The following KLC1 variants were observed in gnomAD, a reference collection of about 807,000 sequenced individuals.
The protein encoded by KLC1 is kinesin 2 60/70kDa.
Under a neutral mutation model 84.2 loss-of-function variants are expected in KLC1, and 30 were observed. That is an observed-to-expected ratio of 0.36 (90% CI 0.27 to 0.48). KLC1 has a LOEUF of 0.48. KLC1 is among the 20% of genes least tolerant of loss of function. The pLI is 0.99. For synonymous variants in KLC1, 289 were observed against 293.3 expected, an observed-to-expected ratio of 0.99 and a Z score of 0.15; for missense variants, 499 against 805.4, an observed-to-expected ratio of 0.62 and a Z score of 4.60.
At chr14:103,663,465 G>T (rs903611023) in intron 5 of KLC1, among the ~76,000 whole-genome samples, 3 of 152,114 alleles carry the variant, frequency 2.0e-5, no homozygotes, top group Non-Finnish European at 2.9e-5. Flanking sequence ...GTTTAGAATA[G>T]ACCACAGTGT....
chr14:103,679,286 CTG>C, intron 12 of KLC1, 96 bp from the exon 13 acceptor site: 1 of 1,244,662 alleles, frequency 8.0e-7, no homozygotes, highest in Non-Finnish European at 1.1e-6. Context: ...TGATTAAGAA[CTG>C]TTTTTTTTTT....
chr14:103,674,656 C>T (rs2080727977), intron 9 of KLC1, among the ~76,000 whole-genome samples: 1 of 152,110 alleles, frequency 6.6e-6, no homozygotes, highest in Admixed American at 6.6e-5. Flanking sequence ...CTCAGGTGAT[C>T]CTCCTGCCTA....
intron 11 of KLC1, among the ~76,000 whole-genome samples, chr14:103,675,962 G>A (rs1462278499): frequency 6.6e-6 from 1 of 152,164 alleles, no homozygotes; most frequent in Admixed American, 6.5e-5. Context: ...TGTTAGGTTG[G>A]TGCAAAGGTA....
intron 15 of KLC1, chr14:103,698,942 G>T: frequency 6.2e-7 from 1 of 1,600,754 alleles, no homozygotes. Context: ...CGCGGAGCCG[G>T]TCAGCCAGCA....
intron 14 of KLC1, 115 bp downstream of exon 14, chr14:103,687,326 C>G: frequency 1.8e-6 from 2 of 1,089,622 alleles, no homozygotes; most frequent in Non-Finnish European, 2.5e-6. Flanking sequence ...CAGTTGGTTC[C>G]CGTATTCTCA....
intron 9 of KLC1, among the ~76,000 whole-genome samples, chr14:103,673,715 C>A (rs1030007443): frequency 1.1e-4 from 16 of 152,038 alleles, no homozygotes; most frequent in African/African-American, 3.9e-4. Context: ...CGAGGTCAGG[C>A]GATCGAGACC....
rs545105720 is a variant in KLC1, at chr14:103,688,959, C to T, written c.1781+1748C>T. On this transcript the variant is annotated intron_variant, in intron 14 of 16. Transcript: ENST00000334553. ...TTATTTTAAAATGTTTACAGATTTC[C>T]AGAACCAAAATGATAGATTACTATC... Among the ~76,000 whole-genome samples, 44 of 152,248 alleles carry T rather than the reference C, an allele frequency of 2.9e-4. 1 individual carries two copies. The Middle Eastern group carries it at 0.014, about 47-fold the overall frequency.
chr14:103,661,048 C>G (rs1439590322), intron 3 of KLC1, among the ~76,000 whole-genome samples: 1 of 152,258 alleles, frequency 6.6e-6, no homozygotes, highest in East Asian at 1.9e-4. Flanking sequence ...CTTACGAGTG[C>G]CTGTTTCTTC....
At chr14:103,670,543 G>T (rs1243682442) in intron 7 of KLC1, among the ~76,000 whole-genome samples, 4 of 151,834 alleles carry the variant, frequency 2.6e-5, no homozygotes, top group African/African-American at 7.3e-5. Context: ...CACCATGTTG[G>T]CCAGGATGTT....
chr14:103,630,473 A>AG lies in KLC1; in HGVS notation c.-2+981dup. ...CAAAAAATTTGAGATATACTATTTC[A>AG]GGTGTTCTGTAAAAGGGCAGTTAGA... On this transcript the variant is annotated intron_variant, in intron 1 of 16. Coordinates refer to ENST00000334553, the MANE Select transcript of KLC1 (RefSeq NM_001394837.1). Among the ~76,000 whole-genome samples the AG allele has an allele frequency of 2.0e-5, 3 of 152,350 alleles. 1 individual carries two copies. The South Asian group carries it at 6.2e-4, about 32-fold the overall frequency.
Position 103,693,874 on chromosome 14 carries a change from G to T in KLC1, c.1848+1449G>T, listed in dbSNP as rs2082264479. The T allele has an allele frequency of 7.4e-7, 1 of 1,353,886 alleles. No individual in the cohort carries two copies. Among genetic ancestry groups the T allele is most frequent in the South Asian group, 1.8e-5 (1 of 55,200 alleles). The allele number at this position is 1,353,886 out of a possible 1,614,324, so 83.9% of individuals were successfully genotyped here. The stretch of plus-strand genomic sequence containing the variant: ...GCCAGGCTGGCTCAGGGAGGCCGAG[G>T]TGGCGCTGAGGTGGCTTCAGCACGC... On this transcript the variant is annotated intron_variant, in intron 15 of 16. Transcript: ENST00000334553. The surrounding 1 kb of genome is among the most constrained non-coding windows in gnomAD (Gnocchi z 5.1).
Position 103,701,270 on chromosome 14 carries a change from G to T in KLC1, c.*71G>T. 1 of 1,520,486 alleles carries T rather than the reference G, an allele frequency of 6.6e-7. No homozygotes were observed. The allele number at this position is 1,520,486 out of a possible 1,614,324, so 94.2% of individuals were successfully genotyped here. A position where few individuals can be genotyped will look rare whatever the true frequency, so the allele number is the denominator to read the frequency against. ...GCCCGGAGCTGGCCCGGGACAGCCAGGGCGGCAGGGAGGGCCCCTGGCCGG... is the reference window on the plus strand; with the variant it reads ...GCCCGGAGCTGGCCCGGGACAGCCATGGCGGCAGGGAGGGCCCCTGGCCGG... On this transcript the variant is annotated 3_prime_UTR_variant, in exon 17 of 17. Transcript: ENST00000334553.
chr14:103,692,416 TCGC>T lies in KLC1; in HGVS notation c.1840_1842del (p.Arg614del). ...ACGTGGGTGGCAAGGCTGCTGAAGA[TCGC>T]TTTCAAGTAAGGAGCCTACCCCGAA... On this transcript the variant is annotated inframe_deletion, in exon 15 of 17. Transcript: ENST00000334553. 6.5e-7 allele frequency: 1 copy of T among 1,536,586 alleles called. No individual in the cohort carries two copies. The highest frequency in any genetic ancestry group is 8.7e-7 in the Non-Finnish European group (1 of 1,146,994).
intron 7 of KLC1, among the ~76,000 whole-genome samples, chr14:103,672,492 G>A (rs2080484223): frequency 6.6e-6 from 1 of 152,158 alleles, no homozygotes; most frequent in Admixed American, 6.5e-5. Flanking sequence ...GAACAACCAG[G>A]TGATGTGCCT....
chr14:103,666,713 C>A (rs1830802517), intron 5 of KLC1, among the ~76,000 whole-genome samples: 1 of 150,702 alleles, frequency 6.6e-6, no homozygotes, highest in African/African-American at 2.4e-5. Flanking sequence ...TTCCACCCAC[C>A]CCGGCCTCCC....
chr14:103,675,811 T>C lies in KLC1; in HGVS notation c.1379+55T>C, dbSNP rs2080825012. The C allele has an allele frequency of 4.2e-6, 6 of 1,435,330 alleles. No homozygotes were observed. In the South Asian group the frequency reaches 6.9e-5, roughly 16 times the overall value. 88.9% of individuals were successfully genotyped at this position (1,435,330 alleles called of 1,614,324 possible). On this transcript the variant is annotated intron_variant, in intron 11 of 16. Coordinates refer to ENST00000334553, the MANE Select transcript of KLC1 (RefSeq NM_001394837.1). Reference sequence around the variant, plus strand: ...AACCAAAAAGCAGGGGGAAGGTAATTGTGTTCTACAGGGCAGCTTATAAAT... The same window carrying C: ...AACCAAAAAGCAGGGGGAAGGTAATCGTGTTCTACAGGGCAGCTTATAAAT...
chr14:103,664,762 A>T (rs2079602563), intron 5 of KLC1, among the ~76,000 whole-genome samples: 1 of 150,074 alleles, frequency 6.7e-6, no homozygotes, highest in Non-Finnish European at 1.5e-5. Flanking sequence ...TGATCTGCTC[A>T]GCTCGGTACC....
At chr14:103,643,724 TCCAGA>T (rs1342716079) in intron 1 of KLC1, among the ~76,000 whole-genome samples, 6 of 150,114 alleles carry the variant, frequency 4.0e-5, no homozygotes, top group African/African-American at 1.2e-4. Context: ...GGTCAAGAGT[TCCAGA>T]CCAGCCTGGC....
Position 103,693,143 on chromosome 14 carries a change from G to T in KLC1, c.1848+718G>T, listed in dbSNP as rs1246861171. On this transcript the variant is annotated intron_variant, in intron 15 of 16. Transcript: ENST00000334553. This position sits in a 1 kb window ranked among gnomAD's most constrained non-coding sequence, Gnocchi z 5.1. Reference sequence around the variant, plus strand: ...GTGCTGGTGCTGAGAGTTCGCGACAGTGGCCAGGCACTGCCCTCCCAGTTG... The same window carrying T: ...GTGCTGGTGCTGAGAGTTCGCGACATTGGCCAGGCACTGCCCTCCCAGTTG... Among the ~76,000 whole-genome samples the T allele has an allele frequency of 6.6e-6, 1 of 152,208 alleles. No individual in the cohort carries two copies. The highest frequency in any genetic ancestry group is 2.4e-5 in the African/African-American group (1 of 41,450).
Sources: allele counts gnomAD v4.1 joint callset (sites outside exome capture counted in the v4.1 genomes callset), GRCh38; gene constraint gnomAD v4.1.1; non-coding constraint Gnocchi (gnomAD v3.1); transcripts MANE v1.5; gene names NCBI Gene and HGNC (gene_info 2026-07-23, HGNC 2026-07-21).